The following GPC3 variants were observed in gnomAD, a reference collection of about 807,000 sequenced individuals.
GPC3 encodes glypican-3.
A neutral mutation model predicts 34.4 loss-of-function variants in GPC3; 3 were observed. The observed-to-expected ratio is 0.09, with a 90% CI of 0.04 to 0.23. The LOEUF (loss-of-function observed/expected upper bound fraction) is 0.23, where lower values mean the gene tolerates loss of function less well. GPC3 is among the 10% of genes least tolerant of loss of function. The probability of loss-of-function intolerance (pLI) is 1.00; values close to 1 mark genes in which losing one functional copy is unlikely to be tolerated. For synonymous variants in GPC3, 177 were observed against 174.0 expected, an observed-to-expected ratio of 1.02 and a Z score of -0.13; for missense variants, 351 against 445.6, an observed-to-expected ratio of 0.79 and a Z score of 1.91.
chrX:133,920,344 T>A (rs1021892953), intron 2 of GPC3, among the ~76,000 whole-genome samples: 1 of 111,173 alleles, frequency 9.0e-6, no homozygotes, highest in African/African-American at 3.3e-5. Flanking sequence ...GGAGGATGAT[T>A]TAACATTAAG....
intron 7 of GPC3, among the ~76,000 whole-genome samples, chrX:133,547,665 T>C (rs190603838): frequency 5.0e-4 from 55 of 110,212 alleles, no homozygotes; most frequent in East Asian, 1.1e-3. Flanking sequence ...TTATTATTAT[T>C]ATCATCATCA....
At chrX:133,954,134 C>T (rs777020765) in intron 1 of GPC3, among the ~76,000 whole-genome samples, 1 of 111,516 alleles carries the variant, frequency 9.0e-6, no homozygotes, top group East Asian at 2.8e-4. Context: ...TCTAGAGTGA[C>T]AGAAAGCAGT....
intron 6 of GPC3, among the ~76,000 whole-genome samples, chrX:133,619,211 C>T (rs750226855): frequency 8.9e-6 from 1 of 112,232 alleles, no homozygotes; most frequent in South Asian, 3.7e-4. Flanking sequence ...ATGGAGAAAA[C>T]AGAATCCTCA....
intron 2 of GPC3, among the ~76,000 whole-genome samples, chrX:133,810,733 G>A (rs979006470): frequency 3.7e-5 from 4 of 108,740 alleles, no homozygotes; most frequent in African/African-American, 1.0e-4. Context: ...GCGAAACCCC[G>A]TCTCTACTAA....
chrX:133,549,610 C>CCT lies in GPC3; in HGVS notation c.1574-13319_1574-13318dup, dbSNP rs60078616. 1.3e-3 allele frequency among the ~76,000 whole-genome samples: 126 copies of CCT among 99,544 alleles called. 1 individual carries two copies. Among genetic ancestry groups the CCT allele is most frequent in the African/African-American group, 4.9e-3 (118 of 24,205 alleles). The allele number at this position is 99,544 out of a possible 115,157, so 86.4% of individuals were successfully genotyped here. A position where few individuals can be genotyped will look rare whatever the true frequency, so the allele number is the denominator to read the frequency against. ...ATGCTATTCCCTTAGCCTGGAATGG[C>CCT]CTCTCTCTCTCTCTCCCTCCCTCCC... On this transcript the variant is annotated intron_variant, in intron 7 of 7. Coordinates refer to ENST00000370818, the MANE Select transcript of GPC3 (RefSeq NM_004484.4).
chrX:133,886,170 T>C (rs1451688359), intron 2 of GPC3, among the ~76,000 whole-genome samples: 1 of 110,700 alleles, frequency 9.0e-6, no homozygotes, highest in South Asian at 3.9e-4. Flanking sequence ...ATTTTATTGA[T>C]AGAAAATTGA....
intron 7 of GPC3, among the ~76,000 whole-genome samples, chrX:133,586,546 CCCTT>C (rs1459687535): frequency 7.2e-5 from 8 of 111,730 alleles, no homozygotes; most frequent in Non-Finnish European, 1.5e-4. Flanking sequence ...CCTTTCTTGA[CCCTT>C]CCCAACTCGT....
chrX:133,700,609 G>A (rs1053538155), intron 3 of GPC3, among the ~76,000 whole-genome samples: 1 of 111,655 alleles, frequency 9.0e-6, no homozygotes, highest in African/African-American at 3.3e-5. Context: ...GTGACAGGCA[G>A]CTCACACCTG....
intron 1 of GPC3, among the ~76,000 whole-genome samples, chrX:133,963,112 A>G (rs544830385): frequency 8.9e-6 from 1 of 112,581 alleles, no homozygotes; most frequent in African/African-American, 3.2e-5. Context: ...CGCTTTGTCA[A>G]TATCACTTGA....
intron 7 of GPC3, among the ~76,000 whole-genome samples, chrX:133,555,952 G>A (rs1260357737): frequency 9.0e-6 from 1 of 110,829 alleles, no homozygotes; most frequent in Non-Finnish European, 1.9e-5. Context: ...TTCTACTGTT[G>A]CCCAATCCAG....
At chrX:133,921,699 T>C (rs774331451) in intron 2 of GPC3, among the ~76,000 whole-genome samples, 1 of 112,384 alleles carries the variant, frequency 8.9e-6, no homozygotes, top group East Asian at 2.8e-4. Context: ...TTTTCAACCT[T>C]GACTTGAACT....
intron 3 of GPC3, among the ~76,000 whole-genome samples, chrX:133,735,985 T>C (rs1344453356): frequency 2.8e-5 from 3 of 108,306 alleles, no homozygotes; most frequent in African/African-American, 1.0e-4. Flanking sequence ...AAGTAAATCA[T>C]GTATGTGATA....
At chrX:133,952,954 A>G (rs2076399497) in intron 2 of GPC3, 96 bp downstream of exon 2, 1 of 794,506 alleles carries the variant, frequency 1.3e-6, no homozygotes, top group Non-Finnish European at 1.9e-6. Context: ...TTAATGCTGG[A>G]ATGGTAATTT....
At chrX:133,703,277 G>C (rs1195994890) in intron 3 of GPC3, among the ~76,000 whole-genome samples, 1 of 111,445 alleles carries the variant, frequency 9.0e-6, no homozygotes, top group Non-Finnish European at 1.9e-5. Flanking sequence ...TTATTGGATA[G>C]GTGAGTGTCT....
At chrX:133,708,565 C>T (rs1441589461) in intron 3 of GPC3, among the ~76,000 whole-genome samples, 1 of 111,820 alleles carries the variant, frequency 8.9e-6, no homozygotes, top group Non-Finnish European at 1.9e-5. Context: ...GGACCCGAAG[C>T]CTCAGCGTCG....
chrX:133,604,555 C>T, intron 6 of GPC3, among the ~76,000 whole-genome samples: 1 of 111,319 alleles, frequency 9.0e-6, no homozygotes, highest in Non-Finnish European at 1.9e-5. Context: ...CTGGTTAGTA[C>T]AGAATGAAAA....
At chrX:133,621,575 G>A (rs751171288) in intron 6 of GPC3, among the ~76,000 whole-genome samples, 5 of 112,059 alleles carry the variant, frequency 4.5e-5, no homozygotes, top group East Asian at 5.7e-4. Flanking sequence ...GTCTGAGATC[G>A]AACTGCAAGG....
chrX:133,542,441 C>G (rs1349742201), intron 7 of GPC3, among the ~76,000 whole-genome samples: 3 of 111,254 alleles, frequency 2.7e-5, no homozygotes, highest in Non-Finnish European at 5.7e-5. Flanking sequence ...GAAGCAAATG[C>G]TCACCCTCTG....
At position 133,668,797 on chromosome X, in the gene GPC3, A is replaced by G. The variant is rs183807432; in HGVS notation, c.1293-6947T>C. ...GCTGGAGTGTGAACTTTGAGAATCC[A>G]TCTCCAGCTGTGTGGGTTCCATCTC... On this transcript the variant is annotated intron_variant, in intron 5 of 7. Transcript: ENST00000370818. Among the ~76,000 whole-genome samples, 16 of 111,658 alleles carry G rather than the reference A, an allele frequency of 1.4e-4. No homozygotes were observed. In the East Asian group the frequency reaches 3.7e-3, roughly 26 times the overall value.
Sources: gnomAD v4.1 joint callset for allele counts (sites outside exome capture counted in the v4.1 genomes callset) on GRCh38, gnomAD v4.1.1 for gene constraint, MANE v1.5 for transcripts, NCBI Gene and HGNC (gene_info 2026-07-23, HGNC 2026-07-21) for gene names.